PCDHA1: variants seen among roughly 807,000 people sequenced by gnomAD.
PCDHA1 encodes protocadherin alpha-1.
In PCDHA1, 42 loss-of-function variants were observed where a neutral mutation model predicts 61.3. The ratio of observed to expected loss-of-function variants is 0.69; its 90% confidence interval spans 0.54 to 0.89. PCDHA1 has a LOEUF of 0.89. Ranked by LOEUF, PCDHA1 falls within the 40% of genes least tolerant of loss-of-function variation. PCDHA1 has a pLI of 0.00. For synonymous variants in PCDHA1, 610 were observed against 553.8 expected, an observed-to-expected ratio of 1.10 and a Z score of -1.43; for missense variants, 1,256 against 1,235.3, an observed-to-expected ratio of 1.02 and a Z score of -0.25.
intron 1 of PCDHA1, chr5:140,836,792 G>T (rs2150269946): frequency 7.1e-7 from 1 of 1,416,460 alleles, no homozygotes; most frequent in Non-Finnish European, 9.6e-7. Context: ...AGTTCAATTG[G>T]TCTCCTTAAA....
chr5:140,841,545 T>C lies in PCDHA1; in HGVS notation c.2394+52861T>C, dbSNP rs1554138308. ...GCGTCCAAAAGACACCGGGACCTTC[T>C]GGAGGTAAGTCTGCAGAATGGCATT... On this transcript the variant is annotated intron_variant, in intron 1 of 3. Coordinates refer to ENST00000504120, the MANE Select transcript of PCDHA1 (RefSeq NM_018900.4). 1 of 1,613,752 alleles carries C rather than the reference T, an allele frequency of 6.2e-7. No homozygotes were observed.
At chr5:140,815,995 C>T (rs1246800642) in intron 1 of PCDHA1, 1 of 152,110 alleles carries the variant, frequency 6.6e-6, no homozygotes, top group Non-Finnish European at 1.5e-5. Flanking sequence ...TTTTCTTTTG[C>T]TGCTTTCTAA....
chr5:140,830,286 G>A (rs1434180043), intron 1 of PCDHA1: 3 of 1,613,856 alleles, frequency 1.9e-6, no homozygotes, highest in Admixed American at 1.7e-5. Context: ...GAGGGCGCGT[G>A]CACGGCGGAC....
chr5:140,836,236 C>A lies in PCDHA1; in HGVS notation c.2394+47552C>A, dbSNP rs2150256110. On this transcript the variant is annotated intron_variant, in intron 1 of 3. Coordinates refer to ENST00000504120, the MANE Select transcript of PCDHA1 (RefSeq NM_018900.4). ...GAGTTGCAACCGGTGGCGGCCGGTG[C>A]GAGCATCCCGTTCCGCGTGGGGCTG... 5 of 1,613,676 alleles carry A rather than the reference C, an allele frequency of 3.1e-6. No individual in the cohort carries two copies. The East Asian group carries it at 6.7e-5, about 22-fold the overall frequency.
At chr5:140,819,551 T>C (rs1454917586) in intron 1 of PCDHA1, among the ~76,000 whole-genome samples, 1 of 152,140 alleles carries the variant, frequency 6.6e-6, no homozygotes, top group Non-Finnish European at 1.5e-5. Context: ...TAACATTTGA[T>C]TGAAGAAAAT....
At chr5:140,809,520 ACT>A (rs782105819) in intron 1 of PCDHA1, 1 of 1,614,164 alleles carries the variant, frequency 6.2e-7, no homozygotes. Flanking sequence ...AGTTTACCTG[ACT>A]CTAGGGACAG....
In PCDHA1 at chr5:141,010,449, C is replaced by G. The variant is rs764975082; in HGVS notation, c.*512C>G. 1.1e-6 allele frequency: 1 copy of G among 915,348 alleles called. No homozygotes were observed. Among genetic ancestry groups the G allele is most frequent in the East Asian group, 2.7e-5 (1 of 36,418 alleles). 56.7% of individuals were successfully genotyped at this position (915,348 alleles called of 1,614,324 possible). ...CAAGAAAACAAAGACAAATAAACAGCGGAAGTTATCAGTATGGAGGGGAAG... is the reference window on the plus strand; with the variant it reads ...CAAGAAAACAAAGACAAATAAACAGGGGAAGTTATCAGTATGGAGGGGAAG... On this transcript the variant is annotated 3_prime_UTR_variant, in exon 4 of 4. Transcript: ENST00000504120.
intron 1 of PCDHA1, chr5:140,807,388 G>T (rs1554123918): frequency 6.7e-7 from 1 of 1,486,600 alleles, no homozygotes; most frequent in African/African-American, 1.5e-5. Flanking sequence ...TCCGGGTGGC[G>T]TCCAAGGGCC....
chr5:140,927,235 C>T (rs1478545930), intron 1 of PCDHA1: 7 of 1,614,034 alleles, frequency 4.3e-6, no homozygotes, highest in Non-Finnish European at 5.9e-6. Flanking sequence ...GATTCACGTC[C>T]TGGACACCAA....
intron 1 of PCDHA1, among the ~76,000 whole-genome samples, chr5:140,950,301 T>G (rs1467140584): frequency 6.6e-6 from 1 of 152,076 alleles, no homozygotes; most frequent in Non-Finnish European, 1.5e-5. Context: ...AAACTTTACT[T>G]AGCAGTTTTT....
intron 1 of PCDHA1, chr5:140,884,122 G>C: frequency 1.2e-6 from 2 of 1,613,306 alleles, no homozygotes. Flanking sequence ...CGGTCGGCGC[G>C]CGCATCCCGT....
chr5:140,807,027 G>A, intron 1 of PCDHA1: 2 of 866,006 alleles, frequency 2.3e-6, no homozygotes, highest in African/African-American at 1.7e-5. Context: ...GAGAGAAGGA[G>A]GAAGAAGGGA....
rs2150358233 is a variant in PCDHA1 at position 140,843,360 on chromosome 5, C to G, written c.2394+54676C>G. On this transcript the variant is annotated intron_variant, in intron 1 of 3. Coordinates refer to ENST00000504120, the MANE Select transcript of PCDHA1 (RefSeq NM_018900.4). Reference sequence around the variant, plus strand: ...AGCGGCCAGGCTCCAAAAGCGTCATCGAGGCAGTCGGCTGGCGTTTTGGGT... The same window carrying G: ...AGCGGCCAGGCTCCAAAAGCGTCATGGAGGCAGTCGGCTGGCGTTTTGGGT... 32 of 1,596,088 alleles carry G rather than the reference C, an allele frequency of 2.0e-5. 6 individuals carry two copies. Among genetic ancestry groups the G allele is most frequent in the Non-Finnish European group, 2.6e-5 (30 of 1,165,594 alleles).
At position 140,965,675 on chromosome 5, in the gene PCDHA1, A is replaced by G. The variant is rs1049081993; in HGVS notation, c.2395-13274A>G. ...AAATGTCTTGGGTGATAAATGTAAA[A>G]GATTTGAAGCAAGATTAGAAAAAGC... On this transcript the variant is annotated intron_variant, in intron 1 of 3. Transcript: ENST00000504120. Among the ~76,000 whole-genome samples, 4 of 152,350 alleles carry G rather than the reference A, an allele frequency of 2.6e-5. No homozygotes were observed. The East Asian group carries it at 7.7e-4, about 29-fold the overall frequency.
intron 1 of PCDHA1, chr5:140,795,898 GA>G: frequency 6.2e-7 from 1 of 1,613,984 alleles, no homozygotes; most frequent in Non-Finnish European, 8.5e-7. Context: ...AGATTATGAA[GA>G]AGCAAAGTCC....
chr5:140,823,346 A>G, intron 1 of PCDHA1: 1 of 1,612,198 alleles, frequency 6.2e-7, no homozygotes, highest in African/African-American at 1.3e-5. Flanking sequence ...CCGCTGGACC[A>G]CGAGGAAGTG....
chr5:140,974,661 G>A (rs542677478), intron 1 of PCDHA1, among the ~76,000 whole-genome samples: 4 of 152,066 alleles, frequency 2.6e-5, no homozygotes, highest in South Asian at 4.2e-4. Context: ...ACAGGCATGC[G>A]CCACCATGCC....
chr5:140,884,385 C>T (rs1554181508), intron 1 of PCDHA1: 1 of 1,613,992 alleles, frequency 6.2e-7, no homozygotes, highest in Non-Finnish European at 8.5e-7. Context: ...GCCATCTGCG[C>T]GGTGTCCAGC....
intron 1 of PCDHA1, among the ~76,000 whole-genome samples, chr5:140,950,449 T>G (rs1377637881): frequency 4.6e-5 from 7 of 152,088 alleles, no homozygotes; most frequent in African/African-American, 1.7e-4. Flanking sequence ...GTTATTCTAC[T>G]GTCTTCTAAT....
Sources: allele counts gnomAD v4.1 joint callset (sites outside exome capture counted in the v4.1 genomes callset), GRCh38; gene constraint gnomAD v4.1.1; transcripts MANE v1.5; gene names NCBI Gene and HGNC (gene_info 2026-07-23, HGNC 2026-07-21).